Variants in SIPA1L2 observed in about 807,000 individuals in gnomAD.
The protein encoded by SIPA1L2 is signal-induced proliferation-associated 1-like protein 2.
Under a neutral mutation model 163.9 loss-of-function variants are expected in SIPA1L2, and 56 were observed. The observed-to-expected ratio is 0.34, with a 90% CI of 0.28 to 0.43. The LOEUF (loss-of-function observed/expected upper bound fraction) is 0.43. SIPA1L2 is among the 20% of genes least tolerant of loss of function. SIPA1L2 has a pLI of 1.00. For missense variants in SIPA1L2, 1,974 were observed against 2,193.5 expected (o/e 0.90, Z 2.00); for synonymous variants, 877 against 865.7 (o/e 1.01, Z -0.23).
chr1:232,587,734 T>C (rs963972350), intron 1 of SIPA1L2, among the ~76,000 whole-genome samples: 7 of 152,210 alleles, frequency 4.6e-5, no homozygotes, highest in African/African-American at 1.4e-4. Context: ...AAATCTCATC[T>C]CGAACTGTAG....
intron 2 of SIPA1L2, among the ~76,000 whole-genome samples, chr1:232,544,127 CTT>C (rs35430371): frequency 1.3e-3 from 189 of 149,720 alleles, no homozygotes; most frequent in Middle Eastern, 3.4e-3. Flanking sequence ...CAGAAACCTT[CTT>C]TTTTTTTTTT....
chr1:232,495,641 C>T (rs1211673096), intron 3 of SIPA1L2, among the ~76,000 whole-genome samples: 1 of 151,796 alleles, frequency 6.6e-6, no homozygotes, highest in Non-Finnish European at 1.5e-5. Context: ...AGGAAACTAG[C>T]CTATTTGTTT....
Position 232,425,711 on chromosome 1 carries a change from C to A in SIPA1L2, c.4508G>T (p.Ser1503Ile). The A allele has an allele frequency of 6.2e-7, 1 of 1,614,106 alleles. No individual in the cohort carries two copies. The highest frequency in any genetic ancestry group is 1.3e-5 in the African/African-American group (1 of 75,056). ...CSNRRGSSFG[S>I]SRSSVLDQAL... ...CTGGTCAAGCACGGAACTCCGGGAACTGCCAAAGGAGGACCCCCTCCTGTT... is the reference window on the plus strand; with the variant it reads ...CTGGTCAAGCACGGAACTCCGGGAAATGCCAAAGGAGGACCCCCTCCTGTT... The change falls in exon 18 of 23, where the codon AGT (serine) becomes ATT (isoleucine). Residue 1503 changes from serine to isoleucine, a missense_variant. Around this residue, in one of 3 missense-constraint regions of SIPA1L2, gnomAD observed 1,079 missense variants for 1,150.7 expected, o/e 0.94. Transcript: ENST00000674635.
At chr1:232,432,019 T>C (rs1662273142) in intron 16 of SIPA1L2, among the ~76,000 whole-genome samples, 1 of 152,234 alleles carries the variant, frequency 6.6e-6, no homozygotes, top group African/African-American at 2.4e-5. Context: ...TGCAGGCAGA[T>C]TTGAATATAA....
intron 1 of SIPA1L2, among the ~76,000 whole-genome samples, chr1:232,577,677 G>A (rs1660152437): frequency 6.6e-6 from 1 of 152,134 alleles, no homozygotes; most frequent in Non-Finnish European, 1.5e-5. Flanking sequence ...TGACTTTGGG[G>A]TGGGGGCTTA....
chr1:232,498,382 A>G (rs1177569746), intron 3 of SIPA1L2, among the ~76,000 whole-genome samples: 2 of 152,222 alleles, frequency 1.3e-5, no homozygotes, highest in Non-Finnish European at 2.9e-5. Context: ...TATAAAACTG[A>G]GAACTTATAT....
intron 3 of SIPA1L2, among the ~76,000 whole-genome samples, chr1:232,495,242 A>G (rs987062553): frequency 1.3e-5 from 2 of 152,238 alleles, no homozygotes; most frequent in African/African-American, 4.8e-5. Flanking sequence ...AGTCAGGGGT[A>G]GAAGCAGCAA....
intron 1 of SIPA1L2, among the ~76,000 whole-genome samples, chr1:232,587,051 CTA>C (rs1241532625): frequency 6.6e-6 from 1 of 152,174 alleles, no homozygotes; most frequent in Non-Finnish European, 1.5e-5. Flanking sequence ...GGCTGTGCAG[CTA>C]TATTTCACAA....
chr1:232,630,087 T>A lies in SIPA1L2; in HGVS notation c.-537A>T, dbSNP rs1288413843. 6.7e-6 allele frequency among the ~76,000 whole-genome samples: 1 copy of A among 150,292 alleles called. No homozygotes were observed. The highest frequency in any genetic ancestry group is 1.5e-5 in the Non-Finnish European group (1 of 67,370). ...GCGGGGGCGCGGTGCTCCTCCTCCG[T>A]CCTCCTCCTCCTCTCGCTCCGCCAG... is the stretch of plus-strand genomic sequence containing the variant. On this transcript the variant is annotated 5_prime_UTR_variant, in exon 1 of 23. Transcript: ENST00000674635.
chr1:232,444,777 G>A (rs974251924), intron 11 of SIPA1L2, among the ~76,000 whole-genome samples: 1 of 152,202 alleles, frequency 6.6e-6, no homozygotes, highest in Non-Finnish European at 1.5e-5. Context: ...AGTACATCAA[G>A]TAAGTTAAGA....
chr1:232,483,406 A>G (rs1665469750), intron 6 of SIPA1L2, among the ~76,000 whole-genome samples: 1 of 152,216 alleles, frequency 6.6e-6, no homozygotes, highest in African/African-American at 2.4e-5. Flanking sequence ...ATAACACAGC[A>G]TGAATGGATG....
At chr1:232,553,946 A>G (rs912387808) in intron 2 of SIPA1L2, among the ~76,000 whole-genome samples, 3 of 152,174 alleles carry the variant, frequency 2.0e-5, no homozygotes, top group Non-Finnish European at 4.4e-5. Flanking sequence ...TCATTTAAGC[A>G]TTAAGAAGTT....
At chr1:232,596,869 G>T (rs913509432) in intron 1 of SIPA1L2, among the ~76,000 whole-genome samples, 3 of 152,158 alleles carry the variant, frequency 2.0e-5, no homozygotes, top group Admixed American at 6.5e-5. Flanking sequence ...ATTAGAAAAT[G>T]GTTCATTCCC....
intron 1 of SIPA1L2, among the ~76,000 whole-genome samples, chr1:232,591,326 A>T (rs1425018490): frequency 6.6e-6 from 1 of 152,256 alleles, no homozygotes; most frequent in Non-Finnish European, 1.5e-5. Context: ...CAGGTACTCG[A>T]GTACTGACAT....
chr1:232,428,788 A>G (rs1379541176), intron 16 of SIPA1L2, among the ~76,000 whole-genome samples: 1 of 152,184 alleles, frequency 6.6e-6, no homozygotes, highest in Non-Finnish European at 1.5e-5. Context: ...TTCAGACACA[A>G]ATCAGATCCC....
intron 1 of SIPA1L2, among the ~76,000 whole-genome samples, chr1:232,594,650 T>C (rs561198515): frequency 3.1e-4 from 47 of 152,300 alleles, no homozygotes; most frequent in African/African-American, 8.4e-4. Flanking sequence ...GCTATTCTTT[T>C]TAAGTTTTTT....
At chr1:232,554,597 C>T (rs1372263100) in intron 2 of SIPA1L2, among the ~76,000 whole-genome samples, 1 of 152,296 alleles carries the variant, frequency 6.6e-6, no homozygotes, top group East Asian at 1.9e-4. Context: ...AAGAATGAAA[C>T]GACGACTTAT....
chr1:232,584,518 A>C (rs1464935592), intron 1 of SIPA1L2, among the ~76,000 whole-genome samples: 1 of 152,210 alleles, frequency 6.6e-6, no homozygotes, highest in Non-Finnish European at 1.5e-5. Context: ...TACTTTGTTG[A>C]ACCTAAGCAT....
intron 13 of SIPA1L2, 51 bp downstream of exon 13, chr1:232,441,717 G>C (rs1048692794): frequency 1.5e-5 from 21 of 1,446,030 alleles, no homozygotes; most frequent in Non-Finnish European, 2.0e-5. Context: ...AGGGGGCAGA[G>C]AGGGGGAAAG....
Sources: allele counts gnomAD v4.1 joint callset (sites outside exome capture counted in the v4.1 genomes callset), GRCh38; gene constraint gnomAD v4.1.1; regional missense constraint gnomAD v4.1.1; transcripts MANE v1.5; gene names NCBI Gene and HGNC (gene_info 2026-07-23, HGNC 2026-07-21).